Variants in CNBD2 observed in about 807,000 individuals in gnomAD.
The protein encoded by CNBD2 is cyclic nucleotide binding domain containing 2.
A neutral mutation model predicts 63.7 loss-of-function variants in CNBD2; 64 were observed. The observed-to-expected ratio is 1.00, with a 90% CI of 0.82 to 1.24. CNBD2 has a LOEUF of 1.24. Ranked by LOEUF, CNBD2 falls within the 50% of genes most tolerant of loss-of-function variation. CNBD2 has a pLI of 0.00. For synonymous variants in CNBD2, 229 were observed against 255.4 expected (o/e 0.90, Z 0.99); for missense variants, 691 against 713.5 (o/e 0.97, Z 0.36).
chr20:36,022,845 C>T (rs1366956972), intron 10 of CNBD2, among the ~76,000 whole-genome samples: 1 of 151,940 alleles, frequency 6.6e-6, no homozygotes, highest in Non-Finnish European at 1.5e-5. Flanking sequence ...GTCTCAAACT[C>T]CTGGGCTCAA....
intron 8 of CNBD2, among the ~76,000 whole-genome samples, chr20:36,005,458 C>A (rs2056971269): frequency 1.3e-5 from 2 of 152,206 alleles, no homozygotes; most frequent in Non-Finnish European, 2.9e-5. Context: ...TCCTAACAGG[C>A]CACGGACCTG....
intron 10 of CNBD2, among the ~76,000 whole-genome samples, chr20:36,022,930 T>C (rs2057236838): frequency 6.6e-6 from 1 of 152,168 alleles, no homozygotes; most frequent in African/African-American, 2.4e-5. Flanking sequence ...CCTAGCTGTT[T>C]GATTTTTGTT....
chr20:36,018,071 A>G (rs2057159572), intron 10 of CNBD2, among the ~76,000 whole-genome samples: 1 of 152,180 alleles, frequency 6.6e-6, no homozygotes, highest in Non-Finnish European at 1.5e-5. Context: ...CCTGTTATTA[A>G]CATCTTACAT....
rs748616350 is a variant in CNBD2 at position 36,030,579 on chromosome 20, C to T, written c.1662C>T (p.Tyr554=). ...CTATTTTTATGGCACCCCAGAAATA[C>T]CTCCCCCCATTGAGGATTGTCCAAG... ...RYPIFMAPQK[Y]LPPLRIVQAI... The change falls in exon 12 of 12, where the codon TAC becomes TAT. Residue 554 remains tyrosine, a synonymous_variant. Coordinates refer to ENST00000373973, the MANE Select transcript of CNBD2 (RefSeq NM_001365709.1). 2 of 1,614,160 alleles carry T rather than the reference C, an allele frequency of 1.2e-6. No individual in the cohort carries two copies. Among genetic ancestry groups the T allele is most frequent in the Non-Finnish European group, 1.7e-6 (2 of 1,180,028 alleles).
At chr20:35,975,339 TG>T (rs2056495081) in intron 2 of CNBD2, among the ~76,000 whole-genome samples, 1 of 115,414 alleles carries the variant, frequency 8.7e-6, no homozygotes, top group Non-Finnish European at 1.9e-5. Flanking sequence ...CTTGCTCTGT[TG>T]CCCAGGCTGG....
intron 6 of CNBD2, among the ~76,000 whole-genome samples, chr20:35,985,970 G>A (rs149814821): frequency 6.6e-5 from 10 of 152,260 alleles, no homozygotes; most frequent in Non-Finnish European, 1.3e-4. Context: ...GTGAATAACA[G>A]GATATAAATA....
chr20:36,002,213 A>G (rs2056921987), intron 8 of CNBD2, among the ~76,000 whole-genome samples: 1 of 152,198 alleles, frequency 6.6e-6, no homozygotes, highest in African/African-American at 2.4e-5. Flanking sequence ...CGGCCAACAC[A>G]GCGAAACCCC....
At chr20:35,962,417 C>T (rs2056316062) in intron 2 of CNBD2, among the ~76,000 whole-genome samples, 1 of 152,106 alleles carries the variant, frequency 6.6e-6, no homozygotes, top group Non-Finnish European at 1.5e-5. Context: ...CACCACCACG[C>T]CCAGCTAATT....
chr20:35,994,886 C>T, intron 7 of CNBD2, 152 bp from the exon 8 acceptor site: 1 of 547,684 alleles, frequency 1.8e-6, no homozygotes, highest in South Asian at 2.2e-5. Context: ...GAGACTCCAT[C>T]TCAAAAAAAA....
chr20:36,010,209 T>C lies in CNBD2; in HGVS notation c.1149-928T>C, dbSNP rs147721302. The stretch of plus-strand genomic sequence containing the variant: ...CCCCCTCCCCCTGCTACTTTTGAAA[T>C]TGAAGTGTCATAATGAGACTAACAA... On this transcript the variant is annotated intron_variant, in intron 9 of 11. Transcript: ENST00000373973. Among the ~76,000 whole-genome samples, 38 of 152,130 alleles carry C rather than the reference T, an allele frequency of 2.5e-4. No individual in the cohort carries two copies. In the East Asian group the frequency reaches 6.8e-3, roughly 27 times the overall value.
At chr20:35,985,086 G>A (rs1220312170) in intron 6 of CNBD2, among the ~76,000 whole-genome samples, 2 of 152,010 alleles carry the variant, frequency 1.3e-5, no homozygotes, top group Non-Finnish European at 2.9e-5. Flanking sequence ...GAACCCAGGA[G>A]TTCAAGACCA....
intron 6 of CNBD2, among the ~76,000 whole-genome samples, chr20:35,985,107 C>T (rs1232678779): frequency 6.6e-6 from 1 of 151,848 alleles, no homozygotes; most frequent in Non-Finnish European, 1.5e-5. Context: ...GCCTGGACAA[C>T]ATAGTGAAAT....
intron 8 of CNBD2, among the ~76,000 whole-genome samples, chr20:36,001,718 G>A (rs1450687492): frequency 7.3e-5 from 11 of 151,264 alleles, no homozygotes; most frequent in African/African-American, 1.7e-4. Flanking sequence ...CCTCCCAGAC[G>A]GGGTCGCGGC....
chr20:35,968,457 G>A (rs1374015950), upstream of CNBD2: 1 of 290,022 alleles, frequency 3.4e-6, no homozygotes, highest in African/African-American at 2.2e-5. Context: ...AAGTTTGGGT[G>A]GTTGTGAGGA....
chr20:36,029,141 G>A (rs1302524109), intron 11 of CNBD2, among the ~76,000 whole-genome samples: 1 of 152,140 alleles, frequency 6.6e-6, no homozygotes, highest in African/African-American at 2.4e-5. Context: ...ATGGAGTCTT[G>A]TCTGTCCTAG....
downstream of CNBD2, chr20:35,959,079 G>A (rs1358572199): frequency 6.6e-6 from 1 of 152,190 alleles, no homozygotes; most frequent in Non-Finnish European, 1.5e-5. Flanking sequence ...ACTGCTATGA[G>A]TTATTTTATG....
At chr20:36,012,260 G>A (rs56077790) in intron 10 of CNBD2, among the ~76,000 whole-genome samples, 5,374 of 150,890 alleles carry the variant, frequency 0.036, 336 homozygotes, top group African/African-American at 0.12. Flanking sequence ...AGATAGTGAC[G>A]TTGCACTAAA....
chr20:36,008,248 C>T (rs754277347), intron 8 of CNBD2, 49 bp from the exon 9 acceptor site: 3 of 1,472,986 alleles, frequency 2.0e-6, no homozygotes, highest in Non-Finnish European at 2.8e-6. Flanking sequence ...CCATAACCAT[C>T]ATATATGCAA....
intron 8 of CNBD2, among the ~76,000 whole-genome samples, chr20:36,007,843 A>T (rs2057005400): frequency 6.6e-6 from 1 of 152,190 alleles, no homozygotes; most frequent in African/African-American, 2.4e-5. Context: ...CAATAGTTCT[A>T]TGAGAGGGCT....
Sources: gnomAD v4.1 joint callset for allele counts (sites outside exome capture counted in the v4.1 genomes callset) on GRCh38, gnomAD v4.1.1 for gene constraint, MANE v1.5 for transcripts, NCBI Gene and HGNC (gene_info 2026-07-23, HGNC 2026-07-21) for gene names.